BTBD8: variants seen among roughly 807,000 people sequenced by gnomAD.
The protein encoded by BTBD8 is BTB domain containing 8.
In BTBD8, 110 loss-of-function variants were observed where a neutral mutation model predicts 162.9. The ratio of observed to expected loss-of-function variants is 0.68; its 90% CI spans 0.58 to 0.79. The LOEUF (loss-of-function observed/expected upper bound fraction) is 0.79. Ranked by LOEUF, BTBD8 falls within the 30% of genes least tolerant of loss-of-function variation. BTBD8 has a pLI of 0.00. For missense variants in BTBD8, 1,905 were observed against 2,085.4 expected (o/e 0.91, Z 1.68); for synonymous variants, 667 against 716.1 (o/e 0.93, Z 1.10).
chr1:92,165,760 T>A (rs1650370372), intron 9 of BTBD8, among the ~76,000 whole-genome samples: 2 of 152,114 alleles, frequency 1.3e-5, no homozygotes, highest in South Asian at 4.1e-4. Context: ...GGTCTGGTGG[T>A]CCCAGGATTC....
intron 9 of BTBD8, among the ~76,000 whole-genome samples, chr1:92,159,392 G>C (rs1037427838): frequency 6.6e-6 from 1 of 151,714 alleles, no homozygotes; most frequent in Non-Finnish European, 1.5e-5. Context: ...GCTCAGGCTG[G>C]TCTCGAACTC....
In BTBD8 at chr1:92,180,672, G is replaced by A; in HGVS notation, c.2989G>A (p.Glu997Lys). The A allele has an allele frequency of 1.3e-6, 2 of 1,551,382 alleles. No homozygotes were observed. The highest frequency in any genetic ancestry group is 1.7e-6 in the Non-Finnish European group (2 of 1,146,890). Residue 997 changes from glutamate to lysine, a missense_variant, in exon 17 of 18, where the codon GAA becomes AAA. Transcript: ENST00000636805. ...CAAACCTCTCATTAATCTTGCATCT[G>A]AAATAAGTGATGCAGAAGCACTCCA... ...PHKPLINLAS[E>K]ISDAEALQSS... is the part of the protein sequence containing the mutation.
chr1:92,160,470 A>C (rs1650252350), intron 9 of BTBD8, among the ~76,000 whole-genome samples: 4 of 151,930 alleles, frequency 2.6e-5, no homozygotes, highest in Admixed American at 2.6e-4. Flanking sequence ...GTTCTCATGG[A>C]CTGGCCTCAT....
chr1:92,091,491 A>AT (rs1648300796), intron 2 of BTBD8, among the ~76,000 whole-genome samples: 1 of 151,038 alleles, frequency 6.6e-6, no homozygotes, highest in Non-Finnish European at 1.5e-5. Context: ...GTATGTATAT[A>AT]TTTTTTTGAG....
intron 5 of BTBD8, among the ~76,000 whole-genome samples, chr1:92,131,047 G>A (rs1365860665): frequency 6.6e-6 from 1 of 152,172 alleles, no homozygotes; most frequent in Non-Finnish European, 1.5e-5. Context: ...TTTAGGAAGG[G>A]ATATTACAAA....
chr1:92,150,393 C>T (rs1259803168), intron 9 of BTBD8, among the ~76,000 whole-genome samples: 2 of 152,116 alleles, frequency 1.3e-5, no homozygotes, highest in Non-Finnish European at 2.9e-5. Context: ...TGGGTTAAAT[C>T]AAGGAATAAA....
chr1:92,083,122 C>G lies in BTBD8; in HGVS notation c.149+2402C>G, dbSNP rs534941323. 2.0e-3 allele frequency among the ~76,000 whole-genome samples: 284 copies of G among 140,472 alleles called. 1 individual carries two copies. Among genetic ancestry groups the G allele is most frequent in the African/African-American group, 7.4e-3 (279 of 37,540 alleles). The allele number at this position is 140,472 out of a possible 152,430, so 92.2% of individuals were successfully genotyped here. A position where few individuals can be genotyped will look rare whatever the true frequency, so the allele number is the denominator to read the frequency against. ...CTGCCCTCCAGTCTGGGCGTCAGAA[C>G]AAGACTCTGTCTCAAAAAAAAAAAA... On this transcript the variant is annotated intron_variant, in intron 1 of 17. Transcript: ENST00000636805.
chr1:92,177,943 C>A, intron 15 of BTBD8, 45 bp downstream of exon 15: 2 of 964,994 alleles, frequency 2.1e-6, no homozygotes, highest in South Asian at 1.7e-5. Flanking sequence ...AGCTTTCTCT[C>A]AAAGTTAATT....
chr1:92,135,602 T>C (rs1388485380), intron 5 of BTBD8, among the ~76,000 whole-genome samples: 1 of 152,224 alleles, frequency 6.6e-6, no homozygotes, highest in Admixed American at 6.5e-5. Flanking sequence ...ATTGCTTTTC[T>C]AGGTCAGTTG....
intron 1 of BTBD8, among the ~76,000 whole-genome samples, chr1:92,086,925 C>G (rs1461192986): frequency 6.6e-6 from 1 of 152,134 alleles, no homozygotes; most frequent in Non-Finnish European, 1.5e-5. Flanking sequence ...TCTGTTATAG[C>G]AGCACAAATG....
chr1:92,094,357 T>C (rs1648394917), intron 2 of BTBD8, among the ~76,000 whole-genome samples: 1 of 152,180 alleles, frequency 6.6e-6, no homozygotes, highest in Admixed American at 6.5e-5. Flanking sequence ...TTGACATTTG[T>C]CTGTATGAAA....
At chr1:92,179,459 A>T (rs959884575) in intron 16 of BTBD8, among the ~76,000 whole-genome samples, 7 of 152,206 alleles carry the variant, frequency 4.6e-5, no homozygotes, top group Admixed American at 6.5e-5. Flanking sequence ...CATATGTAAA[A>T]GCAGTTCTTA....
intron 2 of BTBD8, among the ~76,000 whole-genome samples, chr1:92,101,088 C>G (rs1436203004): frequency 1.3e-5 from 2 of 152,128 alleles, no homozygotes; most frequent in Non-Finnish European, 2.9e-5. Context: ...TCCACCGTTT[C>G]CCCCACCAAT....
intron 1 of BTBD8, among the ~76,000 whole-genome samples, chr1:92,083,387 A>G (rs1648077527): frequency 6.6e-6 from 1 of 152,194 alleles, no homozygotes; most frequent in Non-Finnish European, 1.5e-5. Context: ...TGTTTATTAT[A>G]GAACATCTTT....
At position 92,120,549 on chromosome 1, in the gene BTBD8, C is replaced by G. The variant is rs501786; in HGVS notation, c.663-9138C>G. ...TGTTTATTATCAAGTATGTACTGTA[C>G]ATAATTGTATATGCTAGACTTTTAT... On this transcript the variant is annotated intron_variant, in intron 4 of 17. Transcript: ENST00000636805. Among the ~76,000 whole-genome samples the G allele has an allele frequency of 3.3e-3, 501 of 152,144 alleles. 6 individuals are homozygous for G. Among genetic ancestry groups the G allele is most frequent in the African/African-American group, 0.011 (475 of 41,502 alleles).
chr1:92,113,591 C>G (rs1648956072), intron 4 of BTBD8, among the ~76,000 whole-genome samples: 1 of 152,222 alleles, frequency 6.6e-6, no homozygotes, highest in Admixed American at 6.5e-5. Context: ...AGGGCTAGAC[C>G]TGCCTTATTG....
intron 9 of BTBD8, among the ~76,000 whole-genome samples, chr1:92,165,041 A>T (rs1312094465): frequency 1.3e-5 from 2 of 150,740 alleles, no homozygotes; most frequent in Non-Finnish European, 2.9e-5. Context: ...GAATCACTTG[A>T]TCTCAGGAGT....
In BTBD8 at chr1:92,121,917, C is replaced by T. The variant is rs567945153; in HGVS notation, c.663-7770C>T. Among the ~76,000 whole-genome samples the T allele has an allele frequency of 9.9e-5, 15 of 151,944 alleles. No homozygotes were observed. The South Asian group carries it at 2.7e-3, about 27-fold the overall frequency. On this transcript the variant is annotated intron_variant, in intron 4 of 17. Transcript: ENST00000636805. ...AGCTCCTGGGCTTAAGGGATCCTCCCGCCTCAGCCTCCCAAGTAGTTGGGA... is the reference window on the plus strand; with the variant it reads ...AGCTCCTGGGCTTAAGGGATCCTCCTGCCTCAGCCTCCCAAGTAGTTGGGA...
chr1:92,082,889 T>TA (rs1190866099), intron 1 of BTBD8, among the ~76,000 whole-genome samples: 1 of 152,166 alleles, frequency 6.6e-6, no homozygotes, highest in Admixed American at 6.5e-5. Context: ...TACTATTTGC[T>TA]ATACACTGGG....
Sources: gnomAD v4.1 joint callset for allele counts (sites outside exome capture counted in the v4.1 genomes callset) on GRCh38, gnomAD v4.1.1 for gene constraint, MANE v1.5 for transcripts, NCBI Gene and HGNC (gene_info 2026-07-23, HGNC 2026-07-21) for gene names.